The following PCID2 variants were observed in gnomAD, a reference collection of about 807,000 sequenced individuals.
PCID2 encodes PCI domain-containing protein 2.
Under a neutral mutation model 61.3 loss-of-function variants are expected in PCID2, and 41 were observed. The observed-to-expected ratio is 0.67, with a 90% CI of 0.52 to 0.87. The LOEUF is 0.87. Ranked by LOEUF, PCID2 falls within the 40% of genes least tolerant of loss-of-function variation. PCID2 has a pLI of 0.00. For missense variants in PCID2, 392 were observed against 493.4 expected (o/e 0.79, Z 1.95); for synonymous variants, 187 against 177.8 (o/e 1.05, Z -0.41).
intron 6 of PCID2, among the ~76,000 whole-genome samples, chr13:113,193,680 T>C (rs1022627268): frequency 2.0e-5 from 3 of 152,236 alleles, no homozygotes; most frequent in Non-Finnish European, 2.9e-5. Flanking sequence ...TAAATAGATA[T>C]AACAAAAATA....
At chr13:113,176,175 G>C (rs117668554), downstream of PCID2, among the ~76,000 whole-genome samples, 4,703 of 152,350 alleles carry the variant, frequency 0.031, 120 homozygotes, top group Non-Finnish European at 0.044. Context: ...GAGAAAGAGG[G>C]ATTCACACTT....
At chr13:113,197,378 C>CT (rs1163580768) in intron 3 of PCID2, 135 bp from the exon 4 acceptor site, 8 of 668,876 alleles carry the variant, frequency 1.2e-5, no homozygotes, top group African/African-American at 1.8e-5. Context: ...ACACAAATGG[C>CT]TGAACACAAA....
the PCID2 span, chr13:113,165,071 T>A: frequency 6.2e-7 from 1 of 1,613,318 alleles, no homozygotes; most frequent in South Asian, 1.1e-5. Flanking sequence ...GCCTGCGGGG[T>A]GCTGACCTCT....
intron 7 of PCID2, chr13:113,188,463 G>C (rs1016971208): frequency 6.6e-6 from 1 of 152,230 alleles, no homozygotes; most frequent in Admixed American, 6.5e-5. Context: ...AAGACCAGCA[G>C]GATGCTAAGT....
chr13:113,200,959 A>G (rs1171846236), intron 1 of PCID2, among the ~76,000 whole-genome samples: 1 of 152,180 alleles, frequency 6.6e-6, no homozygotes, highest in Non-Finnish European at 1.5e-5. Context: ...GAAGCAAAAA[A>G]ACAGGTTAAG....
chr13:113,195,008 T>C, intron 6 of PCID2, 63 bp downstream of exon 6: 1 of 1,161,330 alleles, frequency 8.6e-7, no homozygotes, highest in Non-Finnish European at 1.3e-6. Flanking sequence ...TGACATGAAA[T>C]TAAACAACAG....
At chr13:113,201,539 C>T (rs1400931546) in intron 1 of PCID2, among the ~76,000 whole-genome samples, 2 of 152,016 alleles carry the variant, frequency 1.3e-5, no homozygotes, top group Non-Finnish European at 1.5e-5. Flanking sequence ...TTGCCGGTCA[C>T]GGTGGCTCAC....
chr13:113,184,637 G>C, intron 8 of PCID2, 150 bp from the exon 9 acceptor site: 1 of 605,462 alleles, frequency 1.7e-6, no homozygotes, highest in Non-Finnish European at 2.9e-6. Flanking sequence ...ACAGAGAGCA[G>C]CCAGCATAGA....
At position 113,185,576 on chromosome 13, in the gene PCID2, T is replaced by A. The variant is rs1249088639; in HGVS notation, c.468-16A>T. The A allele has an allele frequency of 6.5e-7, 1 of 1,545,368 alleles. No homozygotes were observed. Among genetic ancestry groups the A allele is most frequent in the African/African-American group, 1.4e-5 (1 of 73,294 alleles). ...ACCAGCACGGCTATGGGGAAATAAT[T>A]TTTTTTAAGTTACATAGGAAATAAA... On this transcript the variant is annotated splice_polypyrimidine_tract_variant and intron_variant, in intron 7 of 13. Coordinates refer to ENST00000337344, the MANE Select transcript of PCID2 (RefSeq NM_001127202.4).
At chr13:113,185,040 G>A (rs2037982595) in intron 8 of PCID2, among the ~76,000 whole-genome samples, 1 of 152,266 alleles carries the variant, frequency 6.6e-6, no homozygotes, top group African/African-American at 2.4e-5. Context: ...AGTCCCAGCT[G>A]CTGACACGTG....
chr13:113,206,415 A>T (rs950933846), intron 1 of PCID2, among the ~76,000 whole-genome samples: 2 of 152,322 alleles, frequency 1.3e-5, no homozygotes, highest in South Asian at 4.1e-4. Flanking sequence ...GCTGGGGAGC[A>T]TGTGGCAACA....
At chr13:113,173,620 C>G (rs886231458), downstream of PCID2, among the ~76,000 whole-genome samples, 10 of 152,166 alleles carry the variant, frequency 6.6e-5, no homozygotes, top group African/African-American at 2.4e-4. Context: ...AACTTTTCTC[C>G]AACCTGTAGA....
At chr13:113,172,095 T>A in the PCID2 span, 1 of 1,612,644 alleles carries the variant, frequency 6.2e-7, no homozygotes, top group Admixed American at 1.7e-5. Flanking sequence ...TTTAAACAGA[T>A]CATGAACTAA....
Position 113,180,163 on chromosome 13 carries a change from A to T in PCID2, c.855T>A (p.Ala285=). 6.2e-7 allele frequency: 1 copy of T among 1,613,952 alleles called. No individual in the cohort carries two copies. The highest frequency in any genetic ancestry group is 8.5e-7 in the Non-Finnish European group (1 of 1,179,874). The change falls in exon 11 of 14, where the codon GCT becomes GCA. Residue 285 remains alanine, a synonymous_variant. Transcript: ENST00000337344. ...HLMQFAEVTR[A]VSEGNLLLLH... is the part of the protein sequence containing the mutation. ...GGAAGGATGGCATACTCTACCTCAC[A>T]GCTCTGGTTACTTCCGCAAACTGCA...
chr13:113,181,086 G>T, intron 10 of PCID2, 44 bp downstream of exon 10: 1 of 1,307,950 alleles, frequency 7.6e-7, no homozygotes, highest in Non-Finnish European at 1.1e-6. Context: ...TGTCAACTTT[G>T]TGAAAGCACC....
chr13:113,195,087 C>T lies in PCID2; in HGVS notation c.347G>A (p.Arg116Gln), dbSNP rs781054478. 19 of 1,609,834 alleles carry T rather than the reference C, an allele frequency of 1.2e-5. No individual in the cohort carries two copies. The highest frequency in any genetic ancestry group is 5.3e-5 in the African/African-American group (4 of 74,830). The change falls in exon 6 of 14, where the codon CGA becomes CAA. Residue 116 changes from arginine to glutamine, a missense_variant. Coordinates refer to ENST00000337344, the MANE Select transcript of PCID2 (RefSeq NM_001127202.4). ...TAAACTTACATTATTGGCAAACACTCGAAGGTCAAGCGCTACTGCATACAT... is the reference window on the plus strand; with the variant it reads ...TAAACTTACATTATTGGCAAACACTTGAAGGTCAAGCGCTACTGCATACAT... ...PVMYAVALDL[R>Q]VFANNADQQL...
At chr13:113,168,020 C>T in the PCID2 span, among the ~76,000 whole-genome samples, 7 of 152,170 alleles carry the variant, frequency 4.6e-5, no homozygotes, top group South Asian at 4.1e-4. Flanking sequence ...ACGCCACATC[C>T]GCTCGCTGTA....
At chr13:113,178,822 G>C in intron 13 of PCID2, 144 bp downstream of exon 13, 1 of 670,422 alleles carries the variant, frequency 1.5e-6, no homozygotes, top group East Asian at 3.0e-5. Context: ...CCTGGTGAAT[G>C]GTATTTCCTG....
intron 1 of PCID2, among the ~76,000 whole-genome samples, chr13:113,202,311 AC>A: frequency 6.6e-6 from 1 of 152,352 alleles, no homozygotes; most frequent in South Asian, 2.1e-4. Context: ...CTTCCTGAAG[AC>A]TAACTTCCAT....
Sources: gnomAD v4.1 joint callset for allele counts (sites outside exome capture counted in the v4.1 genomes callset) on GRCh38, gnomAD v4.1.1 for gene constraint, MANE v1.5 for transcripts, NCBI Gene and HGNC (gene_info 2026-07-23, HGNC 2026-07-21) for gene names.